Variants in HCRTR2 observed in about 807,000 individuals in gnomAD.
HCRTR2 encodes orexin receptor type 2.
Under a neutral mutation model 49.0 loss-of-function variants are expected in HCRTR2, and 22 were observed. The ratio of observed to expected loss-of-function variants is 0.45; its 90% CI spans 0.32 to 0.64. The LOEUF is 0.64. Ranked by LOEUF, HCRTR2 falls within the 30% of genes least tolerant of loss-of-function variation. The probability of loss-of-function intolerance (pLI) is 0.04; values close to 1 mark genes in which losing one functional copy is unlikely to be tolerated. For synonymous variants in HCRTR2, 236 were observed against 205.3 expected (o/e 1.15, Z -1.28); for missense variants, 491 against 559.4 (o/e 0.88, Z 1.23).
intron 6 of HCRTR2, among the ~76,000 whole-genome samples, chr6:55,281,695 C>T (rs775110417): frequency 8.1e-4 from 124 of 152,274 alleles, no homozygotes; most frequent in Admixed American, 1.4e-3. Flanking sequence ...ATTTTTCCCC[C>T]TTCAGTTTTT....
At chr6:55,138,823 A>G (rs1764465865) in intron 1 of HCRTR2, among the ~76,000 whole-genome samples, 1 of 152,174 alleles carries the variant, frequency 6.6e-6, no homozygotes. Context: ...TCAACTATAT[A>G]TGTTTGTTCA....
intron 1 of HCRTR2, among the ~76,000 whole-genome samples, chr6:55,178,223 C>T (rs1416862284): frequency 6.6e-6 from 1 of 151,758 alleles, no homozygotes; most frequent in Non-Finnish European, 1.5e-5. Context: ...ACATTAAGTA[C>T]CTAGGGAAAA....
At chr6:55,161,910 C>T (rs1308765337) in intron 1 of HCRTR2, among the ~76,000 whole-genome samples, 1 of 152,120 alleles carries the variant, frequency 6.6e-6, no homozygotes, top group East Asian at 1.9e-4. Context: ...AGGTACAAAT[C>T]AGAGCTGGTA....
chr6:55,266,766 A>C (rs1223936973), intron 4 of HCRTR2, among the ~76,000 whole-genome samples: 1 of 152,166 alleles, frequency 6.6e-6, no homozygotes, highest in Admixed American at 6.6e-5. Flanking sequence ...TAAAGTTTAC[A>C]TGGTACCATC....
chr6:55,267,662 G>A (rs1766887930), intron 4 of HCRTR2, among the ~76,000 whole-genome samples: 1 of 152,098 alleles, frequency 6.6e-6, no homozygotes, highest in Non-Finnish European at 1.5e-5. Context: ...GACTGTAATA[G>A]ATATTTGGGT....
At chr6:55,154,146 A>G (rs150804418) in intron 1 of HCRTR2, among the ~76,000 whole-genome samples, 95 of 151,990 alleles carry the variant, frequency 6.3e-4, no homozygotes, top group African/African-American at 2.1e-3. Context: ...AAACCTCCCA[A>G]GAAGAAGAGT....
chr6:55,195,609 T>C lies in HCRTR2; in HGVS notation c.223+20799T>C, dbSNP rs188936753. Among the ~76,000 whole-genome samples the C allele has an allele frequency of 4.4e-4, 67 of 152,302 alleles. 2 individuals are homozygous for C. The East Asian group carries it at 8.7e-3, about 20-fold the overall frequency. Reference sequence around the variant, plus strand: ...GAATGTTGCTAACACAAAGAAATGATAAATTCTTGAGGAAATGGATATCCC... The same window carrying C: ...GAATGTTGCTAACACAAAGAAATGACAAATTCTTGAGGAAATGGATATCCC... On this transcript the variant is annotated intron_variant, in intron 1 of 6. Coordinates refer to ENST00000370862, the MANE Select transcript of HCRTR2 (RefSeq NM_001384272.1).
At chr6:55,127,024 C>T (rs1764288241) in intron 1 of HCRTR2, among the ~76,000 whole-genome samples, 5 of 152,138 alleles carry the variant, frequency 3.3e-5, no homozygotes, top group Admixed American at 1.3e-4. Context: ...GTGGGACCCA[C>T]CGAGCTGACC....
At chr6:55,270,644 A>C (rs1268542422) in intron 4 of HCRTR2, among the ~76,000 whole-genome samples, 1 of 152,204 alleles carries the variant, frequency 6.6e-6, no homozygotes, top group East Asian at 1.9e-4. Flanking sequence ...TTTCATGCCC[A>C]AAATTATTAA....
upstream of HCRTR2, among the ~76,000 whole-genome samples, chr6:55,171,520 G>A (rs1243240688): frequency 6.6e-6 from 1 of 152,002 alleles, no homozygotes; most frequent in Admixed American, 6.6e-5. Context: ...TCAAAAATGA[G>A]TATTATAATA....
At chr6:55,242,737 A>G (rs1463908352) in intron 1 of HCRTR2, among the ~76,000 whole-genome samples, 1 of 152,206 alleles carries the variant, frequency 6.6e-6, no homozygotes, top group Non-Finnish European at 1.5e-5. Flanking sequence ...ATATCACCTT[A>G]GTTTACATTT....
intron 1 of HCRTR2, among the ~76,000 whole-genome samples, chr6:55,247,492 A>G (rs1389401730): frequency 1.3e-5 from 2 of 152,140 alleles, no homozygotes; most frequent in East Asian, 1.9e-4. Context: ...TTTATTCGCT[A>G]TGTAAAGATA....
At chr6:55,135,210 A>T (rs1029741597) in intron 1 of HCRTR2, among the ~76,000 whole-genome samples, 21 of 152,118 alleles carry the variant, frequency 1.4e-4, no homozygotes, top group African/African-American at 5.1e-4. Flanking sequence ...ATACAGGATT[A>T]AAAATGACTT....
At chr6:55,165,986 T>C (rs1001249117) in intron 1 of HCRTR2, among the ~76,000 whole-genome samples, 1 of 151,958 alleles carries the variant, frequency 6.6e-6, no homozygotes, top group African/African-American at 2.4e-5. Flanking sequence ...CAGACTTTAT[T>C]AAGTTAGATT....
At chr6:55,281,654 T>C (rs1767192760) in intron 6 of HCRTR2, among the ~76,000 whole-genome samples, 1 of 152,206 alleles carries the variant, frequency 6.6e-6, no homozygotes, top group Non-Finnish European at 1.5e-5. Context: ...ATCTCCTCCA[T>C]AATTTAAAGA....
At chr6:55,262,395 AT>A (rs199604491) in intron 3 of HCRTR2, among the ~76,000 whole-genome samples, 4,398 of 138,012 alleles carry the variant, frequency 0.032, 250 homozygotes, top group African/African-American at 0.11. Context: ...TTATATATAA[AT>A]ATATAATGTA....
intron 1 of HCRTR2, among the ~76,000 whole-genome samples, chr6:55,146,742 A>G (rs1006741879): frequency 2.6e-5 from 4 of 152,180 alleles, no homozygotes; most frequent in African/African-American, 4.8e-5. Context: ...TTTAGCATAC[A>G]TATGAATTAC....
intron 1 of HCRTR2, among the ~76,000 whole-genome samples, chr6:55,237,569 G>A (rs2127303255): frequency 6.6e-6 from 1 of 152,258 alleles, no homozygotes; most frequent in South Asian, 2.1e-4. Context: ...CTCTTCTCCT[G>A]TTCTTAGCTA....
At chr6:55,254,563 C>T (rs1326666097) in intron 2 of HCRTR2, among the ~76,000 whole-genome samples, 1 of 151,998 alleles carries the variant, frequency 6.6e-6, no homozygotes, top group Non-Finnish European at 1.5e-5. Context: ...TAATATGACT[C>T]GTAACTTTCC....
Sources: gnomAD v4.1 joint callset for allele counts (sites outside exome capture counted in the v4.1 genomes callset) on GRCh38, gnomAD v4.1.1 for gene constraint, MANE v1.5 for transcripts, NCBI Gene and HGNC (gene_info 2026-07-23, HGNC 2026-07-21) for gene names.